CCDC102B: variants seen among roughly 807,000 people sequenced by gnomAD.
The protein encoded by CCDC102B is coiled-coil domain containing 102B.
Under a neutral mutation model 57.4 loss-of-function variants are expected in CCDC102B, and 75 were observed. That is an observed-to-expected ratio of 1.31 (90% CI 1.08 to 1.58). The LOEUF (loss-of-function observed/expected upper bound fraction) is 1.58. CCDC102B is among the 40% of genes most tolerant of loss of function. The pLI is 0.00. For synonymous variants in CCDC102B, 206 were observed against 201.9 expected (o/e 1.02, Z -0.17); for missense variants, 636 against 582.6 (o/e 1.09, Z -0.94).
intron 2 of CCDC102B, among the ~76,000 whole-genome samples, chr18:68,777,707 C>T (rs1169466835): frequency 6.6e-6 from 1 of 152,108 alleles, no homozygotes; most frequent in African/African-American, 2.4e-5. Flanking sequence ...ATTACTATGT[C>T]ATGTGCCTCA....
At chr18:68,823,949 T>C (rs2036801469) in intron 1 of CCDC102B, among the ~76,000 whole-genome samples, 1 of 151,990 alleles carries the variant, frequency 6.6e-6, no homozygotes, top group African/African-American at 2.4e-5. Context: ...ATTCTAGATA[T>C]CAGACCTTTG....
At chr18:69,036,406 C>T (rs374214738) in intron 7 of CCDC102B, among the ~76,000 whole-genome samples, 112 of 152,140 alleles carry the variant, frequency 7.4e-4, no homozygotes, top group African/African-American at 2.5e-3. Flanking sequence ...TTTAGCAAGA[C>T]GACCTGGGGC....
intron 6 of CCDC102B, among the ~76,000 whole-genome samples, chr18:68,965,655 A>T (rs907037868): frequency 5.9e-5 from 9 of 151,712 alleles, no homozygotes; most frequent in Admixed American, 2.0e-4. Context: ...TTATAAAATT[A>T]AAAAAAATCC....
chr18:68,744,589 C>A (rs1307233765), intron 2 of CCDC102B, among the ~76,000 whole-genome samples: 2 of 152,092 alleles, frequency 1.3e-5, no homozygotes, highest in Non-Finnish European at 2.9e-5. Context: ...GGTGTAGTAA[C>A]CTTTAGGTGT....
chr18:69,006,539 A>G (rs975172616), intron 6 of CCDC102B, among the ~76,000 whole-genome samples: 1 of 150,286 alleles, frequency 6.7e-6, no homozygotes, highest in Non-Finnish European at 1.5e-5. Context: ...TCCCTGCCTC[A>G]GCCTCCAAAG....
chr18:68,795,369 A>G (rs2035595608), upstream of CCDC102B, among the ~76,000 whole-genome samples: 1 of 152,196 alleles, frequency 6.6e-6, no homozygotes, highest in Non-Finnish European at 1.5e-5. Flanking sequence ...GGCCATATAT[A>G]TTTCAGAATT....
At chr18:68,835,711 C>T (rs2037337877) in intron 1 of CCDC102B, among the ~76,000 whole-genome samples, 1 of 152,150 alleles carries the variant, frequency 6.6e-6, no homozygotes, top group Admixed American at 6.5e-5. Flanking sequence ...TAATTCGCAC[C>T]TTAAATCAGT....
At chr18:68,821,200 A>C (rs763473133) in intron 1 of CCDC102B, among the ~76,000 whole-genome samples, 2 of 152,090 alleles carry the variant, frequency 1.3e-5, no homozygotes, top group African/African-American at 2.4e-5. Flanking sequence ...TCAGAAAAGA[A>C]AAAACACTAA....
chr18:68,940,936 C>CCTTA lies in CCDC102B; in HGVS notation c.1263+43512_1263+43515dup, dbSNP rs1426117145. ...GTACAATGTAATTCCCCAGCATGAA[C>CCTTA]CTTACTTCAGTTAATGATTGATCTA... On this transcript the variant is annotated intron_variant, in intron 6 of 7. Coordinates refer to ENST00000360242, the MANE Select transcript of CCDC102B (RefSeq NM_024781.3). 5.3e-5 allele frequency among the ~76,000 whole-genome samples: 8 copies of CCTTA among 151,774 alleles called. No individual in the cohort carries two copies. In the East Asian group the frequency reaches 1.5e-3, roughly 29 times the overall value.
chr18:68,918,377 T>C (rs12185408), intron 6 of CCDC102B, among the ~76,000 whole-genome samples: 140,370 of 152,134 alleles, frequency 0.92, 64,818 homozygotes, highest in East Asian at 0.99. Context: ...AATTTTGAGT[T>C]ACCTCCTATG....
At chr18:68,988,714 C>G (rs1309593327) in intron 6 of CCDC102B, among the ~76,000 whole-genome samples, 1 of 152,086 alleles carries the variant, frequency 6.6e-6, no homozygotes, top group Non-Finnish European at 1.5e-5. Flanking sequence ...AGGTTAAATG[C>G]CACTACTCAC....
At chr18:68,723,070 T>A (rs2032426718) in intron 2 of CCDC102B, among the ~76,000 whole-genome samples, 1 of 152,044 alleles carries the variant, frequency 6.6e-6, no homozygotes, top group Admixed American at 6.6e-5. Flanking sequence ...TCAGGAAACT[T>A]ACAATCATGG....
intron 5 of CCDC102B, among the ~76,000 whole-genome samples, chr18:68,893,462 A>G (rs918504632): frequency 7.2e-5 from 11 of 152,172 alleles, no homozygotes; most frequent in Non-Finnish European, 1.3e-4. Flanking sequence ...TGGTAAGTCT[A>G]GTAACTGGAT....
At chr18:69,011,495 G>C (rs190982206) in intron 7 of CCDC102B, among the ~76,000 whole-genome samples, 147 of 150,340 alleles carry the variant, frequency 9.8e-4, no homozygotes, top group Admixed American at 2.6e-3. Context: ...TATATTTTCA[G>C]TGTTCTTTAG....
At chr18:68,926,760 C>A (rs901800270) in intron 6 of CCDC102B, among the ~76,000 whole-genome samples, 5 of 151,840 alleles carry the variant, frequency 3.3e-5, no homozygotes, top group African/African-American at 1.2e-4. Context: ...AGTTAGAATT[C>A]ACTTTTGAAA....
intron 6 of CCDC102B, among the ~76,000 whole-genome samples, chr18:68,961,774 C>A (rs1019179870): frequency 1.3e-5 from 2 of 151,948 alleles, no homozygotes; most frequent in Non-Finnish European, 2.9e-5. Context: ...TATAAAATAA[C>A]ATTTTGTCAG....
At chr18:68,839,103 T>G in intron 3 of CCDC102B, 177 bp downstream of exon 3, 1 of 619,358 alleles carries the variant, frequency 1.6e-6, no homozygotes, top group Non-Finnish European at 2.8e-6. Flanking sequence ...AAATGTAGTT[T>G]ATAACTTGTT....
chr18:68,955,874 CTCA>C (rs1453726115), intron 6 of CCDC102B, among the ~76,000 whole-genome samples: 1 of 151,878 alleles, frequency 6.6e-6, no homozygotes, highest in Non-Finnish European at 1.5e-5. Context: ...AAATAAGGTA[CTCA>C]TCAGCTCAAT....
In CCDC102B at chr18:68,748,205, G is replaced by GGT. The variant is rs5825872; in HGVS notation, c.-67+31662_-67+31663dup. Among the ~76,000 whole-genome samples the GGT allele has an allele frequency of 8.7e-3, 1,193 of 137,468 alleles. 18 individuals are homozygous for GGT. Among genetic ancestry groups the GGT allele is most frequent in the African/African-American group, 0.025 (939 of 37,426 alleles). The allele number at this position is 137,468 out of a possible 152,430, so 90.2% of individuals were successfully genotyped here. On this transcript the variant is annotated intron_variant, in intron 2 of 3. Transcript: ENST00000578970. ...TAGGTACTTTGTCCATTATTAAACT[G>GGT]GTGTGTGTGTGTGTGTGTGTGTGTG...
Sources: allele counts gnomAD v4.1 joint callset (sites outside exome capture counted in the v4.1 genomes callset), GRCh38; gene constraint gnomAD v4.1.1; transcripts MANE v1.5; gene names NCBI Gene and HGNC (gene_info 2026-07-23, HGNC 2026-07-21).